The following USP3 variants were observed in gnomAD, a reference collection of about 807,000 sequenced individuals.
USP3 encodes ubiquitin carboxyl-terminal hydrolase 3.
In USP3, 20 loss-of-function variants were observed where a neutral mutation model predicts 72.3. The observed-to-expected ratio is 0.28, with a 90% CI of 0.19 to 0.40. The LOEUF (loss-of-function observed/expected upper bound fraction) is 0.40, where lower values mean the gene tolerates loss of function less well. USP3 is among the 10% of genes least tolerant of loss of function. The pLI is 1.00. For synonymous variants in USP3, 222 were observed against 225.3 expected (o/e 0.99, Z 0.13); for missense variants, 479 against 633.9 (o/e 0.76, Z 2.62).
rs35244583 is a variant in USP3, at chr15:63,520,554, A to ATTTTTTTTTTTTTTTTTTTTTTT, written c.92-12088_92-12066dup. Among the ~76,000 whole-genome samples the ATTTTTTTTTTTTTTTTTTTTTTT allele has an allele frequency of 1.5e-4, 16 of 105,424 alleles. 7 individuals are homozygous for ATTTTTTTTTTTTTTTTTTTTTTT. The highest frequency in any genetic ancestry group is 2.6e-4 in the African/African-American group (7 of 26,548). The allele number at this position is 105,424 out of a possible 152,430, so 69.2% of individuals were successfully genotyped here. A position where few individuals can be genotyped will look rare whatever the true frequency, so the allele number is the denominator to read the frequency against. On this transcript the variant is annotated intron_variant, in intron 1 of 14. Coordinates refer to ENST00000380324, the MANE Select transcript of USP3 (RefSeq NM_006537.4). ...TTTGTTTGTTTGATTTCTGTTTTAG[A>ATTTTTTTTTTTTTTTTTTTTTTT]TTTTTTTTTTTTTTTTTTTTTTTTT...
At chr15:63,589,189 G>C (rs1475529537) in intron 14 of USP3, 178 bp downstream of exon 14, 6 of 633,872 alleles carry the variant, frequency 9.5e-6, no homozygotes, top group Non-Finnish European at 1.6e-5. Context: ...GAAGGCTTAA[G>C]GGAAGGTAAA....
At chr15:63,531,318 G>GA (rs1429244480) in intron 1 of USP3, among the ~76,000 whole-genome samples, 1 of 152,042 alleles carries the variant, frequency 6.6e-6, no homozygotes, top group Non-Finnish European at 1.5e-5. Flanking sequence ...AGACAGTGAA[G>GA]AAAAAAACAT....
intron 3 of USP3, among the ~76,000 whole-genome samples, chr15:63,547,200 G>T (rs1202239275): frequency 6.6e-6 from 1 of 152,160 alleles, no homozygotes; most frequent in Non-Finnish European, 1.5e-5. Context: ...GTTTTGACCT[G>T]TGGAAGCAGC....
At chr15:63,568,149 C>G (rs2066722350) in intron 8 of USP3, among the ~76,000 whole-genome samples, 2 of 152,050 alleles carry the variant, frequency 1.3e-5, no homozygotes, top group South Asian at 2.1e-4. Context: ...GTCAGGAGAT[C>G]GAGACCATCC....
Position 63,574,232 on chromosome 15 carries a change from A to G in USP3, c.1015+80A>G. 7.1e-7 allele frequency: 1 copy of G among 1,410,170 alleles called. No homozygotes were observed. The highest frequency in any genetic ancestry group is 1.6e-5 in the South Asian group (1 of 63,134). 87.4% of individuals were successfully genotyped at this position (1,410,170 alleles called of 1,614,324 possible). On this transcript the variant is annotated intron_variant, in intron 10 of 14. Transcript: ENST00000380324. The surrounding 1 kb of genome is among the most constrained non-coding windows in gnomAD (Gnocchi z 4.6). ...TTTCCTTCAAAAAATAAGTGTAAAG[A>G]GAAATCTAGAAATACATCAGTTTGT...
chr15:63,578,124 A>C (rs2066895091), intron 11 of USP3, among the ~76,000 whole-genome samples: 3 of 151,804 alleles, frequency 2.0e-5, no homozygotes, highest in Admixed American at 2.0e-4. Flanking sequence ...AAAAATACAA[A>C]AATTAGCCAG....
chr15:63,545,984 A>AC (rs1567107322), intron 3 of USP3, among the ~76,000 whole-genome samples: 1 of 150,592 alleles, frequency 6.6e-6, no homozygotes, highest in South Asian at 2.1e-4. Flanking sequence ...AAAAAAAAAA[A>AC]AAAAAAAAAA....
intron 2 of USP3, among the ~76,000 whole-genome samples, chr15:63,534,553 A>C (rs1279312719): frequency 1.3e-5 from 2 of 152,206 alleles, no homozygotes; most frequent in African/African-American, 4.8e-5. Flanking sequence ...GGAAATATTT[A>C]ATTTCCTGTT....
intron 1 of USP3, among the ~76,000 whole-genome samples, chr15:63,508,139 T>C (rs1158994355): frequency 4.6e-5 from 7 of 152,150 alleles, no homozygotes; most frequent in Non-Finnish European, 8.8e-5. Context: ...ATCTTAAATA[T>C]TATGTATGAA....
chr15:63,532,340 T>G (rs1183253308), intron 1 of USP3, among the ~76,000 whole-genome samples: 1 of 152,220 alleles, frequency 6.6e-6, no homozygotes, highest in Non-Finnish European at 1.5e-5. Flanking sequence ...TGTCGTTAAC[T>G]TGTCAGAGAC....
intron 2 of USP3, among the ~76,000 whole-genome samples, chr15:63,533,475 G>A (rs1485220397): frequency 1.3e-5 from 2 of 152,096 alleles, no homozygotes; most frequent in Non-Finnish European, 2.9e-5. Flanking sequence ...TTGCCTGGTA[G>A]CAGCACATTT....
intron 11 of USP3, among the ~76,000 whole-genome samples, chr15:63,584,905 A>G (rs1251340744): frequency 1.3e-5 from 2 of 152,060 alleles, no homozygotes; most frequent in African/African-American, 4.8e-5. Flanking sequence ...TATGTTTAAG[A>G]CCTTTGATCT....
At chr15:63,571,970 A>G (rs1463213198) in intron 9 of USP3, among the ~76,000 whole-genome samples, 2 of 152,232 alleles carry the variant, frequency 1.3e-5, no homozygotes, top group African/African-American at 4.8e-5. Context: ...ACTTGTGCAC[A>G]CACACACCTA....
chr15:63,521,202 T>G (rs2065916606), intron 1 of USP3, among the ~76,000 whole-genome samples: 1 of 151,954 alleles, frequency 6.6e-6, no homozygotes, highest in Non-Finnish European at 1.5e-5. Flanking sequence ...TGTAGGAATT[T>G]TCCTTATTCT....
intron 1 of USP3, among the ~76,000 whole-genome samples, chr15:63,505,575 G>C (rs556513471): frequency 1.2e-3 from 185 of 152,362 alleles, no homozygotes; most frequent in African/African-American, 4.3e-3. Context: ...GGGATTCCCA[G>C]TTCCTGTGTT....
intron 3 of USP3, 24 bp downstream of exon 3, chr15:63,537,180 G>C (rs760219609): frequency 8.7e-6 from 14 of 1,607,184 alleles, no homozygotes; most frequent in Non-Finnish European, 1.2e-5. Flanking sequence ...TTCTGGAAAT[G>C]AGATTTCTTA....
At chr15:63,507,476 ACT>A (rs975144113) in intron 1 of USP3, among the ~76,000 whole-genome samples, 2 of 152,142 alleles carry the variant, frequency 1.3e-5, no homozygotes, top group African/African-American at 2.4e-5. Flanking sequence ...ACTTTGAGAA[ACT>A]TGTATACACT....
At chr15:63,562,577 A>C (rs182411578) in intron 7 of USP3, among the ~76,000 whole-genome samples, 1 of 152,314 alleles carries the variant, frequency 6.6e-6, no homozygotes, top group Admixed American at 6.5e-5. Context: ...GAAAATGTAC[A>C]TTCTTAAGTC....
At chr15:63,558,255 T>A in intron 6 of USP3, 67 bp downstream of exon 6, 1 of 1,543,526 alleles carries the variant, frequency 6.5e-7, no homozygotes, top group South Asian at 1.1e-5. Context: ...TGGCTCCCTA[T>A]CTCGTCTGCC....
Sources: gnomAD v4.1 joint callset for allele counts (sites outside exome capture counted in the v4.1 genomes callset) on GRCh38, gnomAD v4.1.1 for gene constraint, Gnocchi (gnomAD v3.1) non-coding constraint, MANE v1.5 for transcripts, NCBI Gene and HGNC (gene_info 2026-07-23, HGNC 2026-07-21) for gene names.